The following SYT16 variants were observed in gnomAD, a reference collection of about 807,000 sequenced individuals.
SYT16 encodes synaptotagmin 16.
Under a neutral mutation model 61.4 loss-of-function variants are expected in SYT16, and 42 were observed. The ratio of observed to expected loss-of-function variants is 0.68; its 90% confidence interval spans 0.53 to 0.89. SYT16 has a LOEUF of 0.89. Among genes scored for constraint, SYT16 ranks in the 40% least tolerant of loss-of-function variants. SYT16 has a pLI of 0.00. For missense variants in SYT16, 804 were observed against 807.3 expected, an observed-to-expected ratio of 1.00 and a Z score of 0.05; for synonymous variants, 314 against 302.3, an observed-to-expected ratio of 1.04 and a Z score of -0.40.
At chr14:61,974,921 ACT>A (rs2140539343) in intron 2 of SYT16, among the ~76,000 whole-genome samples, 1 of 152,248 alleles carries the variant, frequency 6.6e-6, no homozygotes, top group South Asian at 2.1e-4. Flanking sequence ...GCACAAGATT[ACT>A]CTCTGCTCTC....
chr14:61,919,201 C>T (rs185288171), intron 1 of SYT16, among the ~76,000 whole-genome samples: 144 of 152,278 alleles, frequency 9.5e-4, no homozygotes, highest in African/African-American at 3.3e-3. Flanking sequence ...TAAACAGTAG[C>T]CACTGTTCCC....
chr14:61,993,979 G>A (rs1365863467), intron 2 of SYT16, among the ~76,000 whole-genome samples: 1 of 152,146 alleles, frequency 6.6e-6, no homozygotes, highest in Non-Finnish European at 1.5e-5. Context: ...GGAGACAGGT[G>A]TAAACCTCAT....
chr14:61,964,903 T>A (rs2051251822), intron 1 of SYT16, among the ~76,000 whole-genome samples: 1 of 152,102 alleles, frequency 6.6e-6, no homozygotes, highest in African/African-American at 2.4e-5. Flanking sequence ...TTTAGCTTTT[T>A]TTTTTTTAGC....
intron 2 of SYT16, among the ~76,000 whole-genome samples, chr14:61,995,016 G>T (rs1330215076): frequency 6.6e-6 from 1 of 152,134 alleles, no homozygotes; most frequent in Non-Finnish European, 1.5e-5. Flanking sequence ...TTCATCTTGA[G>T]CTGTTGATGA....
intron 1 of SYT16, among the ~76,000 whole-genome samples, chr14:61,854,699 G>T (rs74057538): frequency 0.01 from 1,560 of 152,298 alleles, 25 homozygotes; most frequent in African/African-American, 0.035. Flanking sequence ...ACCCAACATT[G>T]ATTGCCTCCC....
At chr14:61,971,077 C>T (rs1018979342) in intron 2 of SYT16, among the ~76,000 whole-genome samples, 1 of 152,008 alleles carries the variant, frequency 6.6e-6, no homozygotes, top group Admixed American at 6.6e-5. Flanking sequence ...TCCAGGTATC[C>T]TACGTTCTTG....
chr14:61,895,423 C>T (rs1300061837), intron 1 of SYT16, among the ~76,000 whole-genome samples: 1 of 152,194 alleles, frequency 6.6e-6, no homozygotes, highest in African/African-American at 2.4e-5. Flanking sequence ...CACTTTTCAG[C>T]TCAGCAAATA....
chr14:61,894,986 G>A (rs1156874071), intron 1 of SYT16, among the ~76,000 whole-genome samples: 1 of 152,136 alleles, frequency 6.6e-6, no homozygotes, highest in East Asian at 1.9e-4. Flanking sequence ...TGGCCCATCT[G>A]GGCCCAATGA....
At chr14:61,957,019 T>C (rs191238978) in intron 1 of SYT16, among the ~76,000 whole-genome samples, 149 of 152,058 alleles carry the variant, frequency 9.8e-4, no homozygotes, top group East Asian at 7.7e-4. Flanking sequence ...TGTATAAGTC[T>C]TTCACCTCCT....
rs766089633 is a variant in SYT16 at position 62,078,155 on chromosome 14, C to CTCTCTATATATATATATA, written c.994-2678_994-2677insCTCTATATATATATATAT. On this transcript the variant is annotated intron_variant, in intron 5 of 7. Transcript: ENST00000683842. ...GCTCTCTCGCTCTCTCTCTCTCTCT[C>CTCTCTATATATATATATA]TATATATATATATATAAACACACAC... is the stretch of plus-strand genomic sequence containing the variant. Among the ~76,000 whole-genome samples the CTCTCTATATATATATATA allele has an allele frequency of 1.3e-4, 18 of 135,998 alleles. 1 individual carries two copies. Among genetic ancestry groups the CTCTCTATATATATATATA allele is most frequent in the African/African-American group, 4.9e-4 (17 of 34,818 alleles). The allele number at this position is 135,998 out of a possible 152,430, so 89.2% of individuals were successfully genotyped here.
intron 1 of SYT16, among the ~76,000 whole-genome samples, chr14:61,913,704 T>TGTGTGTGTGTGTG (rs149203556): frequency 1.4e-5 from 2 of 145,758 alleles, no homozygotes; most frequent in Non-Finnish European, 3.0e-5. Context: ...CTTTGGGTCT[T>TGTGTGTGTGTGTG]TGTGTGTGTG....
intron 1 of SYT16, among the ~76,000 whole-genome samples, chr14:61,941,322 C>T (rs1156446401): frequency 2.0e-5 from 3 of 152,204 alleles, no homozygotes; most frequent in Non-Finnish European, 4.4e-5. Context: ...ACAGCTCTAC[C>T]ATTCAGGCTT....
chr14:61,991,567 G>A (rs1216270757), intron 2 of SYT16, among the ~76,000 whole-genome samples: 1 of 152,144 alleles, frequency 6.6e-6, no homozygotes, highest in Non-Finnish European at 1.5e-5. Context: ...AGCATAAAAT[G>A]AAAGATCTCT....
intron 1 of SYT16, among the ~76,000 whole-genome samples, chr14:61,945,621 C>T (rs1054314997): frequency 1.2e-4 from 18 of 151,752 alleles, no homozygotes; most frequent in African/African-American, 3.6e-4. Context: ...TTTGGGAGGC[C>T]GAGGCGGGCG....
At chr14:61,913,952 C>T (rs990886931) in intron 1 of SYT16, among the ~76,000 whole-genome samples, 2 of 152,130 alleles carry the variant, frequency 1.3e-5, no homozygotes, top group African/African-American at 4.8e-5. Context: ...TGGCCAGTCT[C>T]ACATTTTAAA....
At position 62,107,060 on chromosome 14, in the gene SYT16, T is replaced by C. The variant is rs969337325; in HGVS notation, c.*6353T>C. Reference sequence around the variant, plus strand: ...ATTGTATTGCCATATTTATGCATTATTTTTGTTTACGTCATTTCCCCCTTG... The same window carrying C: ...ATTGTATTGCCATATTTATGCATTACTTTTGTTTACGTCATTTCCCCCTTG... On this transcript the variant is annotated 3_prime_UTR_variant, in exon 8 of 8. Transcript: ENST00000683842. The C allele has an allele frequency of 2.0e-5, 3 of 151,578 alleles. No homozygotes were observed. The highest frequency in any genetic ancestry group is 4.4e-5 in the Non-Finnish European group (3 of 67,954). 9.4% of individuals were successfully genotyped at this position (151,578 alleles called of 1,614,324 possible).
chr14:62,090,667 T>C (rs1173626477), intron 7 of SYT16, among the ~76,000 whole-genome samples: 1 of 152,180 alleles, frequency 6.6e-6, no homozygotes, highest in Non-Finnish European at 1.5e-5. Context: ...CAACTCTAAT[T>C]CTCATGATGA....
At chr14:61,823,126 G>T (rs1188096326) in intron 1 of SYT16, among the ~76,000 whole-genome samples, 5 of 152,050 alleles carry the variant, frequency 3.3e-5, no homozygotes, top group Non-Finnish European at 5.9e-5. Context: ...CTGAGTAGTT[G>T]GAATTACAGG....
intron 1 of SYT16, among the ~76,000 whole-genome samples, chr14:61,842,208 TA>T (rs1409814057): frequency 1.3e-5 from 2 of 152,212 alleles, no homozygotes; most frequent in African/African-American, 2.4e-5. Flanking sequence ...TTTAGTTATT[TA>T]AAAATGTACA....
Sources: allele counts gnomAD v4.1 joint callset (sites outside exome capture counted in the v4.1 genomes callset), GRCh38; gene constraint gnomAD v4.1.1; transcripts MANE v1.5; gene names NCBI Gene and HGNC (gene_info 2026-07-23, HGNC 2026-07-21).